The following ZNF385B variants were observed in gnomAD, a reference collection of about 807,000 sequenced individuals.
The protein encoded by ZNF385B is zinc finger protein 533.
ZNF385B carries 23 observed loss-of-function variants against 39.2 expected under a neutral mutation model. The observed-to-expected ratio is 0.59, with a 90% CI of 0.42 to 0.83. The LOEUF is 0.83. Among genes scored for constraint, ZNF385B ranks in the 40% least tolerant of loss-of-function variants. The probability of loss-of-function intolerance (pLI) is 0.00; values close to 1 mark genes in which losing one functional copy is unlikely to be tolerated. For synonymous variants in ZNF385B, 205 were observed against 222.6 expected (o/e 0.92, Z 0.70); for missense variants, 552 against 598.9 (o/e 0.92, Z 0.82).
chr2:179,807,201 G>A (rs928511994), intron 1 of ZNF385B, among the ~76,000 whole-genome samples: 3 of 152,154 alleles, frequency 2.0e-5, no homozygotes, highest in African/African-American at 7.2e-5. Flanking sequence ...AATTTGGTAT[G>A]CTCACACAAT....
chr2:179,696,208 T>A (rs1160754456), intron 3 of ZNF385B, among the ~76,000 whole-genome samples: 1 of 152,082 alleles, frequency 6.6e-6, no homozygotes, highest in Non-Finnish European at 1.5e-5. Flanking sequence ...GTGGTGATGA[T>A]CGTATGTATC....
At chr2:179,624,168 C>T (rs1265178854) in intron 3 of ZNF385B, among the ~76,000 whole-genome samples, 1 of 152,110 alleles carries the variant, frequency 6.6e-6, no homozygotes, top group Non-Finnish European at 1.5e-5. Flanking sequence ...CCTATATATA[C>T]ACCTTTATTT....
At chr2:179,516,190 T>G (rs1372705034) in intron 5 of ZNF385B, among the ~76,000 whole-genome samples, 1 of 152,158 alleles carries the variant, frequency 6.6e-6, no homozygotes, top group Admixed American at 6.6e-5. Context: ...GATCAGTTGA[T>G]GGACATTTGG....
At chr2:179,801,757 C>T (rs1005163679) in intron 1 of ZNF385B, among the ~76,000 whole-genome samples, 3 of 151,910 alleles carry the variant, frequency 2.0e-5, no homozygotes, top group African/African-American at 7.3e-5. Flanking sequence ...TGAGAGTGGT[C>T]TTCTAATGCA....
chr2:179,859,397 T>G (rs1401227188), intron 1 of ZNF385B, among the ~76,000 whole-genome samples: 1 of 152,236 alleles, frequency 6.6e-6, no homozygotes, highest in Admixed American at 6.5e-5. Context: ...GTTATTAAAC[T>G]TCTATAAAGA....
intron 3 of ZNF385B, among the ~76,000 whole-genome samples, chr2:179,658,372 A>G (rs995096079): frequency 1.3e-5 from 2 of 152,190 alleles, no homozygotes; most frequent in East Asian, 1.9e-4. Context: ...TCTCCAATGC[A>G]TTTTACACAG....
chr2:179,587,042 AAAAC>A (rs745423895), intron 3 of ZNF385B, among the ~76,000 whole-genome samples: 5 of 152,152 alleles, frequency 3.3e-5, no homozygotes, highest in Non-Finnish European at 7.4e-5. Flanking sequence ...CCATCTCAAA[AAAAC>A]AAACAAAAAA....
chr2:179,844,113 G>T (rs752908169), intron 1 of ZNF385B, among the ~76,000 whole-genome samples: 6 of 152,156 alleles, frequency 3.9e-5, no homozygotes, highest in African/African-American at 1.4e-4. Context: ...CGTGATCCAA[G>T]TTGGTCTATT....
intron 5 of ZNF385B, among the ~76,000 whole-genome samples, chr2:179,489,744 G>T (rs149466753): frequency 6.6e-6 from 1 of 152,256 alleles, no homozygotes; most frequent in East Asian, 1.9e-4. Context: ...CATATCCAAA[G>T]GTTGCTAGTA....
At chr2:179,526,741 C>A (rs2058929633) in intron 4 of ZNF385B, among the ~76,000 whole-genome samples, 1 of 152,234 alleles carries the variant, frequency 6.6e-6, no homozygotes, top group South Asian at 2.1e-4. Flanking sequence ...CTACCCAGAG[C>A]ACCCTGACAA....
intron 3 of ZNF385B, among the ~76,000 whole-genome samples, chr2:179,561,507 A>C (rs1013409774): frequency 1.3e-5 from 2 of 152,242 alleles, no homozygotes; most frequent in East Asian, 1.9e-4. Context: ...AATATTTTTC[A>C]AGCCACCTGA....
chr2:179,443,485 A>G lies in ZNF385B; in HGVS notation c.1243-17T>C. 9 of 1,567,906 alleles carry G rather than the reference A, an allele frequency of 5.7e-6. No homozygotes were observed. Among genetic ancestry groups the G allele is most frequent in the Non-Finnish European group, 7.8e-6 (9 of 1,153,524 alleles). On this transcript the variant is annotated splice_polypyrimidine_tract_variant and intron_variant, in intron 9 of 9. Coordinates refer to ENST00000410066, the MANE Select transcript of ZNF385B (RefSeq NM_152520.6). The stretch of plus-strand genomic sequence containing the variant: ...AAGTTTTGCCTAAGGGAGGGAGAAA[A>G]CCAGGAATGGGGTGGAGATCCTGTT...
chr2:179,526,622 A>G (rs2058920508), intron 4 of ZNF385B, among the ~76,000 whole-genome samples: 1 of 152,042 alleles, frequency 6.6e-6, no homozygotes, highest in Non-Finnish European at 1.5e-5. Context: ...TAAAGAAAAA[A>G]AAATACAGTA....
intron 4 of ZNF385B, chr2:179,534,769 G>C (rs1308482007): frequency 6.6e-6 from 1 of 152,070 alleles, no homozygotes; most frequent in African/African-American, 2.4e-5. Flanking sequence ...GCAAGCCCAG[G>C]TAGGACGGTC....
At chr2:179,849,746 T>C (rs1396607790) in intron 1 of ZNF385B, among the ~76,000 whole-genome samples, 1 of 152,224 alleles carries the variant, frequency 6.6e-6, no homozygotes, top group Non-Finnish European at 1.5e-5. Flanking sequence ...TGAATAGTCA[T>C]TAACCTGATA....
chr2:179,598,162 T>C (rs996537553), intron 3 of ZNF385B, among the ~76,000 whole-genome samples: 2 of 152,112 alleles, frequency 1.3e-5, no homozygotes, highest in South Asian at 4.1e-4. Context: ...TATTAGTAAA[T>C]TGTGACATGC....
At chr2:179,713,522 T>C (rs927418808) in intron 3 of ZNF385B, among the ~76,000 whole-genome samples, 8 of 152,202 alleles carry the variant, frequency 5.3e-5, no homozygotes, top group Non-Finnish European at 8.8e-5. Flanking sequence ...TCATTCTCCC[T>C]GCTATTTATT....
At chr2:179,671,972 G>A (rs545484658) in intron 3 of ZNF385B, among the ~76,000 whole-genome samples, 9 of 152,352 alleles carry the variant, frequency 5.9e-5, no homozygotes, top group Non-Finnish European at 1.2e-4. Flanking sequence ...AGAGACACCC[G>A]GGTAAGATTC....
intron 3 of ZNF385B, among the ~76,000 whole-genome samples, chr2:179,586,198 T>G (rs1687054934): frequency 6.6e-6 from 1 of 152,220 alleles, no homozygotes; most frequent in Admixed American, 6.5e-5. Context: ...TCTTTGTGAA[T>G]TTCATCTCTC....
Sources: gnomAD v4.1 joint callset for allele counts (sites outside exome capture counted in the v4.1 genomes callset) on GRCh38, gnomAD v4.1.1 for gene constraint, MANE v1.5 for transcripts, NCBI Gene and HGNC (gene_info 2026-07-23, HGNC 2026-07-21) for gene names.